Variants in SPATA9 observed in about 807,000 individuals in gnomAD.
SPATA9 encodes spermatogenesis associated 9.
In SPATA9, 27 loss-of-function variants were observed where a neutral mutation model predicts 25.5. The ratio of observed to expected loss-of-function variants is 1.06; its 90% CI spans 0.78 to 1.46. The LOEUF is 1.46. SPATA9 is among the 40% of genes most tolerant of loss of function. The probability of loss-of-function intolerance (pLI) is 0.00; values close to 1 mark genes in which losing one functional copy is unlikely to be tolerated. For missense variants in SPATA9, 282 were observed against 297.5 expected (o/e 0.95, Z 0.38); for synonymous variants, 102 against 105.7 (o/e 0.97, Z 0.21).
downstream of SPATA9, chr5:95,652,543 T>C (rs896177675): frequency 5.5e-6 from 3 of 540,638 alleles, no homozygotes; most frequent in South Asian, 5.3e-5. Flanking sequence ...CCTCACAGTC[T>C]TTGGCACTAC....
downstream of SPATA9, chr5:95,657,378 A>T (rs1750825150): frequency 6.6e-6 from 1 of 151,930 alleles, no homozygotes; most frequent in Non-Finnish European, 1.5e-5. Flanking sequence ...AAAAATCAGC[A>T]GCACATAGTG....
chr5:95,729,464 A>T, the SPATA9 span, among the ~76,000 whole-genome samples: 15 of 152,248 alleles, frequency 9.9e-5, no homozygotes, highest in Admixed American at 3.3e-4. Context: ...TTTTGTATTA[A>T]TATTTTTATA....
the SPATA9 span, chr5:95,713,610 T>G: frequency 6.6e-6 from 1 of 152,104 alleles, no homozygotes; most frequent in Non-Finnish European, 1.5e-5. Context: ...TAAATCTCTT[T>G]TCTTTATAAA....
chr5:95,731,235 C>G, the SPATA9 span: 1 of 1,005,430 alleles, frequency 9.9e-7, no homozygotes, highest in Non-Finnish European at 1.2e-6. Context: ...GCCCGACCCC[C>G]GGGGCTGGCA....
Position 95,682,584 on chromosome 5 carries a change from C to G in SPATA9, c.94G>C (p.Val32Leu). 1 of 1,613,848 alleles carries G rather than the reference C, an allele frequency of 6.2e-7. No individual in the cohort carries two copies. The highest frequency in any genetic ancestry group is 1.3e-5 in the African/African-American group (1 of 74,996). The change falls in exon 2 of 5, where the codon GTA (valine) becomes CTA (leucine). Residue 32 changes from valine (V) to leucine (L), a missense_variant. Physicochemically the swap from Val to Leu is conservative, Grantham distance 32. Transcript: ENST00000274432. ...GGAAATTCATCTTTAAACTCATCTA[C>G]AAGGTCCATGATTGCTTTCTGGATC... is the stretch of plus-strand genomic sequence containing the variant. Reference protein sequence around the residue: ...EGIQKAIMDLVDEFKDEFPTI... With the variant: ...EGIQKAIMDLLDEFKDEFPTI...
chr5:95,710,702 C>G, the SPATA9 span, among the ~76,000 whole-genome samples: 3 of 152,184 alleles, frequency 2.0e-5, no homozygotes, highest in African/African-American at 7.2e-5. Flanking sequence ...TTTCGAAAAG[C>G]CTGTTCTTCT....
At chr5:95,685,307 C>G (rs1473178463), upstream of SPATA9, among the ~76,000 whole-genome samples, 1 of 152,194 alleles carries the variant, frequency 6.6e-6, no homozygotes, top group Non-Finnish European at 1.5e-5. Context: ...ACCAAACTGG[C>G]TAGAACCCTA....
chr5:95,731,180 A>T, the SPATA9 span: 1 of 1,007,482 alleles, frequency 9.9e-7, no homozygotes, highest in Middle Eastern at 5.0e-4. Context: ...AGCCGCCGCC[A>T]CCGGAGCTCC....
chr5:95,708,816 A>G, the SPATA9 span: 5 of 584,470 alleles, frequency 8.6e-6, no homozygotes, highest in Non-Finnish European at 1.5e-5. Flanking sequence ...CCCTCCAAGT[A>G]GTGTTGACGA....
At chr5:95,699,944 G>A (rs528246138), upstream of SPATA9, among the ~76,000 whole-genome samples, 74 of 152,334 alleles carry the variant, frequency 4.9e-4, no homozygotes, top group Non-Finnish European at 7.1e-4. Context: ...CTAGTAACGA[G>A]TTGGAGTTTG....
upstream of SPATA9, among the ~76,000 whole-genome samples, chr5:95,687,653 A>G (rs1044696551): frequency 6.6e-6 from 1 of 152,216 alleles, no homozygotes; most frequent in African/African-American, 2.4e-5. Context: ...GCAATGGGAA[A>G]GACTAATGGA....
At chr5:95,722,230 G>C in the SPATA9 span, among the ~76,000 whole-genome samples, 1 of 152,096 alleles carries the variant, frequency 6.6e-6, no homozygotes, top group African/African-American at 2.4e-5. Context: ...GATGGGGAAG[G>C]CTTTTAGTAC....
intron 3 of SPATA9, among the ~76,000 whole-genome samples, chr5:95,673,376 T>TG (rs1561405552): frequency 6.7e-6 from 1 of 150,354 alleles, no homozygotes; most frequent in African/African-American, 2.4e-5. Context: ...GTGTGTGTGT[T>TG]TGTGTGTGTG....
chr5:95,661,442 CA>C (rs1409392329), intron 4 of SPATA9, among the ~76,000 whole-genome samples: 1 of 152,058 alleles, frequency 6.6e-6, no homozygotes, highest in Non-Finnish European at 1.5e-5. Context: ...ATCAGATCAC[CA>C]AAAATTTGTT....
At chr5:95,653,282 G>A in intron 8 of SPATA9, 1 of 1,543,538 alleles carries the variant, frequency 6.5e-7, no homozygotes, top group Non-Finnish European at 8.7e-7. Flanking sequence ...GGTTGTGCCT[G>A]TAAGAGCCAA....
At chr5:95,653,229 G>A in intron 8 of SPATA9, 8 of 1,551,474 alleles carry the variant, frequency 5.2e-6, no homozygotes, top group Non-Finnish European at 7.0e-6. Flanking sequence ...GAAAATGAAA[G>A]GTTTTCATTC....
the SPATA9 span, chr5:95,732,047 G>T: frequency 6.2e-7 from 1 of 1,614,212 alleles, no homozygotes; most frequent in Non-Finnish European, 8.5e-7. Context: ...AGTGCGTTTG[G>T]GAATGTCAAG....
At chr5:95,731,804 A>T in the SPATA9 span, 1 of 1,601,880 alleles carries the variant, frequency 6.2e-7, no homozygotes, top group South Asian at 1.1e-5. Context: ...TTCCGAGGAG[A>T]GACCCGCGCG....
downstream of SPATA9, among the ~76,000 whole-genome samples, chr5:95,654,683 G>A (rs968111369): frequency 6.6e-6 from 1 of 152,110 alleles, no homozygotes; most frequent in African/African-American, 2.4e-5. Flanking sequence ...TTATGATACA[G>A]CCATGCTGTG....
Sources: gnomAD v4.1 joint callset for allele counts (sites outside exome capture counted in the v4.1 genomes callset) on GRCh38, gnomAD v4.1.1 for gene constraint, MANE v1.5 for transcripts, NCBI Gene and HGNC (gene_info 2026-07-23, HGNC 2026-07-21) for gene names.